Variants in FER observed in about 807,000 individuals in gnomAD.
The protein encoded by FER is FER tyrosine kinase.
In FER, 63 loss-of-function variants were observed where a neutral mutation model predicts 111.0. That is an observed-to-expected ratio of 0.57 (90% CI 0.46 to 0.70). The LOEUF (loss-of-function observed/expected upper bound fraction) is 0.70. FER is among the 30% of genes least tolerant of loss of function. The pLI is 0.00. For missense variants in FER, 914 were observed against 954.0 expected (o/e 0.96, Z 0.55); for synonymous variants, 327 against 313.9 (o/e 1.04, Z -0.44).
intron 5 of FER, among the ~76,000 whole-genome samples, chr5:108,849,168 C>T (rs1475245224): frequency 6.6e-6 from 1 of 151,878 alleles, no homozygotes; most frequent in African/African-American, 2.4e-5. Flanking sequence ...TTTTGAGCTT[C>T]TTGTATTTGA....
At chr5:108,967,658 G>A (rs1037851027) in intron 13 of FER, among the ~76,000 whole-genome samples, 4 of 150,380 alleles carry the variant, frequency 2.7e-5, no homozygotes, top group African/African-American at 9.9e-5. Context: ...TACCTAGGAG[G>A]CTAAGGCAGG....
At chr5:108,993,357 C>T (rs577600348) in intron 13 of FER, among the ~76,000 whole-genome samples, 18 of 152,308 alleles carry the variant, frequency 1.2e-4, no homozygotes, top group South Asian at 1.0e-3. Context: ...GCCAACACAG[C>T]GAAACCCCGT....
intron 3 of FER, chr5:108,830,812 T>A (rs1759964560): frequency 6.6e-6 from 1 of 152,224 alleles, no homozygotes. Context: ...CAGAGAATGT[T>A]TATTAGCAGC....
chr5:109,186,174 G>T, intron 18 of FER, 26 bp from the exon 19 acceptor site: 1 of 1,614,012 alleles, frequency 6.2e-7, no homozygotes, highest in Non-Finnish European at 8.5e-7. Flanking sequence ...TGCCTCATGT[G>T]GTTATGGTTG....
chr5:108,784,669 G>A (rs189005473), intron 2 of FER, among the ~76,000 whole-genome samples: 1 of 152,340 alleles, frequency 6.6e-6, no homozygotes, highest in East Asian at 1.9e-4. Flanking sequence ...GCAAGCCAGT[G>A]ATAAGCATTG....
At chr5:108,786,712 G>A (rs1290015786) in intron 2 of FER, among the ~76,000 whole-genome samples, 1 of 152,138 alleles carries the variant, frequency 6.6e-6, no homozygotes, top group African/African-American at 2.4e-5. Context: ...GTGTTAGCCA[G>A]AATGGTCTCG....
intron 17 of FER, among the ~76,000 whole-genome samples, chr5:109,174,578 C>T (rs1262386081): frequency 6.6e-6 from 1 of 152,164 alleles, no homozygotes; most frequent in Non-Finnish European, 1.5e-5. Context: ...ACAGGCAATC[C>T]TACTGTCCTT....
At position 108,866,441 on chromosome 5, in the gene FER, G is replaced by T. The variant is rs369192645; in HGVS notation, c.482-1326G>T. Among the ~76,000 whole-genome samples the T allele has an allele frequency of 2.0e-5, 3 of 151,876 alleles. No individual in the cohort carries two copies. In the South Asian group the frequency reaches 6.2e-4, roughly 32 times the overall value. Reference sequence around the variant, plus strand: ...TACACACCAAGGACTGTTGTGGGATGGGGGGAAGGGGGAGTGATAGCCTTA... The same window carrying T: ...TACACACCAAGGACTGTTGTGGGATTGGGGGAAGGGGGAGTGATAGCCTTA... On this transcript the variant is annotated intron_variant, in intron 5 of 19. Transcript: ENST00000281092.
intron 17 of FER, among the ~76,000 whole-genome samples, chr5:109,159,443 T>A (rs2126730480): frequency 7.7e-6 from 1 of 129,162 alleles, no homozygotes; most frequent in African/African-American, 2.9e-5. Context: ...TGAACAGGGA[T>A]CACTCTGTTG....
At chr5:108,952,545 T>C (rs908375739) in intron 11 of FER, among the ~76,000 whole-genome samples, 16 of 137,808 alleles carry the variant, frequency 1.2e-4, no homozygotes, top group African/African-American at 3.5e-4. Flanking sequence ...CAGTGTTGTA[T>C]AGGGGATGGG....
chr5:108,780,562 A>G (rs1375426945), intron 2 of FER, among the ~76,000 whole-genome samples: 1 of 151,110 alleles, frequency 6.6e-6, no homozygotes. Flanking sequence ...TATTTTCTGT[A>G]GTTTGAATTG....
intron 1 of FER, among the ~76,000 whole-genome samples, chr5:108,762,726 T>C (rs1295613975): frequency 6.6e-6 from 1 of 152,202 alleles, no homozygotes; most frequent in Non-Finnish European, 1.5e-5. Context: ...ATTTTTTTAC[T>C]ATTTTCTCCA....
At chr5:108,959,395 G>T in intron 13 of FER, 48 bp downstream of exon 13, 1 of 1,530,296 alleles carries the variant, frequency 6.5e-7, no homozygotes, top group Non-Finnish European at 8.8e-7. Context: ...AAGAATTTTT[G>T]GTGAGTTAAC....
intron 17 of FER, among the ~76,000 whole-genome samples, chr5:109,164,963 T>C (rs1756381621): frequency 6.6e-6 from 1 of 152,184 alleles, no homozygotes. Context: ...TCCCCATCTC[T>C]TCCCCTTTTG....
chr5:109,128,340 A>T (rs539460528), intron 17 of FER, among the ~76,000 whole-genome samples: 2 of 152,110 alleles, frequency 1.3e-5, no homozygotes, highest in South Asian at 4.1e-4. Context: ...GTTTTGGCAT[A>T]CTATAAATAT....
chr5:108,934,025 G>C (rs1370673964), intron 10 of FER, among the ~76,000 whole-genome samples: 1 of 151,556 alleles, frequency 6.6e-6, no homozygotes, highest in Non-Finnish European at 1.5e-5. Context: ...TCTAAAATTT[G>C]ACTTCCTCTC....
intron 5 of FER, among the ~76,000 whole-genome samples, chr5:108,857,858 A>T: frequency 6.6e-6 from 1 of 152,192 alleles, no homozygotes; most frequent in East Asian, 1.9e-4. Flanking sequence ...GCCACTTCAA[A>T]CTGGCTCCTC....
At chr5:109,156,749 A>G (rs931599185) in intron 17 of FER, among the ~76,000 whole-genome samples, 2 of 152,088 alleles carry the variant, frequency 1.3e-5, no homozygotes, top group African/African-American at 4.8e-5. Context: ...AGTGGTCAGT[A>G]ATGTAAAGTG....
chr5:108,791,247 A>G (rs1755333764), intron 2 of FER, among the ~76,000 whole-genome samples: 2 of 152,152 alleles, frequency 1.3e-5, no homozygotes, highest in Admixed American at 1.3e-4. Flanking sequence ...TGGTTGCACC[A>G]TTTAATGTTT....
Sources: allele counts gnomAD v4.1 joint callset (sites outside exome capture counted in the v4.1 genomes callset), GRCh38; gene constraint gnomAD v4.1.1; transcripts MANE v1.5; gene names NCBI Gene and HGNC (gene_info 2026-07-23, HGNC 2026-07-21).